The following RAD54L2 variants were observed in gnomAD, a reference collection of about 807,000 sequenced individuals.
RAD54L2 encodes helicase ARIP4.
A neutral mutation model predicts 138.4 loss-of-function variants in RAD54L2; 27 were observed. The observed-to-expected ratio is 0.20, with a 90% CI of 0.14 to 0.27. RAD54L2 has a LOEUF of 0.27. Among genes scored for constraint, RAD54L2 ranks in the 10% least tolerant of loss-of-function variants. RAD54L2 has a pLI of 1.00. For synonymous variants in RAD54L2, 644 were observed against 723.2 expected (o/e 0.89, Z 1.76); for missense variants, 1,396 against 1,890.2 (o/e 0.74, Z 4.85).
chr3:51,635,998 G>GT (rs1446846397), intron 10 of RAD54L2, among the ~76,000 whole-genome samples: 1 of 152,134 alleles, frequency 6.6e-6, no homozygotes, highest in Non-Finnish European at 1.5e-5. Flanking sequence ...TTATGGTTAG[G>GT]CCAGGCCACA....
chr3:51,615,077 G>A (rs1211292919), intron 3 of RAD54L2, among the ~76,000 whole-genome samples: 1 of 152,040 alleles, frequency 6.6e-6, no homozygotes, highest in Non-Finnish European at 1.5e-5. Context: ...GCAATGGCGT[G>A]ATCTTGGCTC....
At chr3:51,611,755 A>C (rs190921836) in intron 3 of RAD54L2, among the ~76,000 whole-genome samples, 55 of 151,942 alleles carry the variant, frequency 3.6e-4, no homozygotes, top group African/African-American at 1.3e-3. Context: ...GACGAGTTTG[A>C]CCATCTTGGC....
At chr3:51,549,844 A>G (rs1698794269) in intron 2 of RAD54L2, among the ~76,000 whole-genome samples, 1 of 150,844 alleles carries the variant, frequency 6.6e-6, no homozygotes, top group African/African-American at 2.4e-5. Flanking sequence ...CTCTGCTGTC[A>G]TTGTGCCTTC....
chr3:51,624,830 T>C (rs982052866), intron 3 of RAD54L2, among the ~76,000 whole-genome samples: 4 of 152,100 alleles, frequency 2.6e-5, no homozygotes, highest in Non-Finnish European at 5.9e-5. Context: ...AGTAGTAATA[T>C]GACAAGGAGG....
At chr3:51,591,065 C>T (rs922655172) in intron 3 of RAD54L2, among the ~76,000 whole-genome samples, 2 of 152,200 alleles carry the variant, frequency 1.3e-5, no homozygotes, top group East Asian at 1.9e-4. Flanking sequence ...TGCAGTGCTG[C>T]GCTACCTCTT....
intron 2 of RAD54L2, among the ~76,000 whole-genome samples, chr3:51,572,452 T>TAAAA (rs529261675): frequency 9.1e-6 from 1 of 109,514 alleles, no homozygotes. Context: ...GACTCCGTCT[T>TAAAA]AAAAAAAAAA....
chr3:51,631,507 ATT>A (rs1163836924), intron 7 of RAD54L2, among the ~76,000 whole-genome samples: 11 of 133,946 alleles, frequency 8.2e-5, no homozygotes, highest in African/African-American at 2.8e-5. Context: ...CACCCAGCCA[ATT>A]TTTTTTTTTT....
chr3:51,622,274 G>A (rs1160164723), intron 3 of RAD54L2, among the ~76,000 whole-genome samples: 8 of 152,128 alleles, frequency 5.3e-5, no homozygotes, highest in African/African-American at 1.9e-4. Flanking sequence ...TCCTCAGCAG[G>A]TAGAACATGT....
chr3:51,560,004 GAA>G (rs1699061321), intron 2 of RAD54L2, among the ~76,000 whole-genome samples: 2 of 152,164 alleles, frequency 1.3e-5, no homozygotes, highest in Non-Finnish European at 1.5e-5. Context: ...TATGCTGTGT[GAA>G]TCCTCACAGC....
intron 3 of RAD54L2, among the ~76,000 whole-genome samples, chr3:51,597,800 C>T (rs1314183206): frequency 6.6e-6 from 1 of 151,926 alleles, no homozygotes; most frequent in Non-Finnish European, 1.5e-5. Context: ...TGCACTCCAG[C>T]CTGGGTGACA....
At chr3:51,574,766 A>T (rs1038875478) in intron 2 of RAD54L2, among the ~76,000 whole-genome samples, 1 of 152,072 alleles carries the variant, frequency 6.6e-6, no homozygotes, top group Admixed American at 6.6e-5. Context: ...AGATGGGTAG[A>T]TTGTAAAAAT....
intron 3 of RAD54L2, among the ~76,000 whole-genome samples, chr3:51,595,888 T>C (rs1699947451): frequency 6.6e-6 from 1 of 151,220 alleles, no homozygotes; most frequent in Non-Finnish European, 1.5e-5. Flanking sequence ...CCTCTGGGAT[T>C]GGCTTTCCTT....
chr3:51,568,518 C>T (rs1175608353), intron 2 of RAD54L2, among the ~76,000 whole-genome samples: 31 of 152,086 alleles, frequency 2.0e-4, no homozygotes. Context: ...TCTAGGTGTT[C>T]CACTTTTCTT....
At chr3:51,564,320 T>C (rs1699164713) in intron 2 of RAD54L2, among the ~76,000 whole-genome samples, 2 of 152,248 alleles carry the variant, frequency 1.3e-5, no homozygotes, top group Admixed American at 1.3e-4. Context: ...TCTTTTCTAT[T>C]CTTCTCTTAA....
intron 2 of RAD54L2, among the ~76,000 whole-genome samples, chr3:51,550,671 G>A (rs953148893): frequency 2.0e-5 from 3 of 152,164 alleles, no homozygotes; most frequent in Non-Finnish European, 2.9e-5. Flanking sequence ...ACCCTGGGAG[G>A]TAGAGGATGC....
At chr3:51,588,702 G>A (rs1699767260) in intron 2 of RAD54L2, among the ~76,000 whole-genome samples, 1 of 152,048 alleles carries the variant, frequency 6.6e-6, no homozygotes, top group African/African-American at 2.4e-5. Context: ...CCTCACGAAG[G>A]AATGGCCTTT....
chr3:51,581,132 C>T (rs1017778278), intron 2 of RAD54L2, among the ~76,000 whole-genome samples: 1 of 152,130 alleles, frequency 6.6e-6, no homozygotes, highest in Non-Finnish European at 1.5e-5. Context: ...TAACGAGACT[C>T]TGTCGCCTAG....
In RAD54L2 at chr3:51,637,397, C is replaced by T. The variant is rs747873088; in HGVS notation, c.1576C>T (p.Arg526Cys). 5.0e-6 allele frequency: 8 copies of T among 1,613,738 alleles called. No individual in the cohort carries two copies. Among genetic ancestry groups the T allele is most frequent in the East Asian group, 4.5e-5 (2 of 44,872 alleles). Residue 526 changes from arginine to cysteine, a missense_variant, in exon 11 of 23, where the codon CGC becomes TGC. Physicochemically the swap from Arg to Cys is radical, Grantham distance 180. Coordinates refer to ENST00000684192, the MANE Select transcript of RAD54L2 (RefSeq NM_015106.4). This position sits in a 1 kb window ranked among gnomAD's most constrained non-coding sequence, Gnocchi z 5.9. ...GCAGGAGTTCAGCAACATGTTTGAA[C>T]GCCCTATCCTGAATGGGCAATGTAT... is the stretch of plus-strand genomic sequence containing the variant. Reference protein sequence around the residue: ...TRQEFSNMFERPILNGQCIDS... With the variant: ...TRQEFSNMFECPILNGQCIDS...
chr3:51,572,725 G>A (rs1325235505), intron 2 of RAD54L2, among the ~76,000 whole-genome samples: 2 of 146,240 alleles, frequency 1.4e-5, no homozygotes, highest in Admixed American at 6.9e-5. Flanking sequence ...TGCAACCTCC[G>A]CCTCCCGGGT....
Sources: allele counts gnomAD v4.1 joint callset (sites outside exome capture counted in the v4.1 genomes callset), GRCh38; gene constraint gnomAD v4.1.1; non-coding constraint Gnocchi (gnomAD v3.1); transcripts MANE v1.5; gene names NCBI Gene and HGNC (gene_info 2026-07-23, HGNC 2026-07-21).